The following CTNNA2 variants were observed in gnomAD, a reference collection of about 807,000 sequenced individuals.
The protein encoded by CTNNA2 is catenin alpha 2, also known as catenin alpha-2.
A neutral mutation model predicts 101.0 loss-of-function variants in CTNNA2; 42 were observed. That is an observed-to-expected ratio of 0.42 (90% CI 0.32 to 0.54). The LOEUF (loss-of-function observed/expected upper bound fraction) is 0.54. Among genes scored for constraint, CTNNA2 ranks in the 20% least tolerant of loss-of-function variants. The probability of loss-of-function intolerance (pLI) is 0.14; values close to 1 mark genes in which losing one functional copy is unlikely to be tolerated. For missense variants in CTNNA2, 871 were observed against 1,223.1 expected (o/e 0.71, Z 4.29); for synonymous variants, 450 against 456.4 (o/e 0.99, Z 0.18).
intron 18 of CTNNA2, among the ~76,000 whole-genome samples, chr2:80,627,226 T>A (rs1181580854): frequency 6.6e-6 from 1 of 152,118 alleles, no homozygotes; most frequent in Non-Finnish European, 1.5e-5. Flanking sequence ...CTTTGGGCAT[T>A]TACCCAGTAA....
intron 4 of CTNNA2, among the ~76,000 whole-genome samples, chr2:79,420,843 G>A (rs991140737): frequency 6.6e-6 from 1 of 152,054 alleles, no homozygotes; most frequent in Middle Eastern, 3.2e-3. Context: ...GGTCTTGACT[G>A]GAACCCAAGG....
chr2:79,659,429 T>G (rs1681856496), intron 2 of CTNNA2, among the ~76,000 whole-genome samples: 1 of 150,038 alleles, frequency 6.7e-6, no homozygotes, highest in South Asian at 2.1e-4. Flanking sequence ...GTGGTTTCTA[T>G]GGTGGCACTA....
rs75390572 is a variant in CTNNA2, at chr2:80,535,895, C to T, written c.1291-9087C>T. 5.2e-3 allele frequency among the ~76,000 whole-genome samples: 799 copies of T among 152,260 alleles called. 6 individuals carry two copies. The highest frequency in any genetic ancestry group is 0.018 in the African/African-American group (756 of 41,558). Reference sequence around the variant, plus strand: ...ACCTCAGCAGGAAAGCGAGACAACTCCTACAATATTCTTCTGGGCAGCCAG... The same window carrying T: ...ACCTCAGCAGGAAAGCGAGACAACTTCTACAATATTCTTCTGGGCAGCCAG... On this transcript the variant is annotated intron_variant, in intron 9 of 18. Transcript: ENST00000402739.
At chr2:79,730,340 G>T (rs931402117) in intron 2 of CTNNA2, among the ~76,000 whole-genome samples, 6 of 151,958 alleles carry the variant, frequency 3.9e-5, no homozygotes, top group African/African-American at 1.2e-4. Context: ...ATTAATCATG[G>T]TTTATTTTAA....
At chr2:79,501,959 ATTAGTCT>A (rs1475599535) in intron 4 of CTNNA2, among the ~76,000 whole-genome samples, 3 of 141,236 alleles carry the variant, frequency 2.1e-5, no homozygotes, top group Non-Finnish European at 4.5e-5. Context: ...ATTCAAGGAT[ATTAGTCT>A]TTTTTTTTTT....
intron 3 of CTNNA2, among the ~76,000 whole-genome samples, chr2:79,333,513 A>G (rs1347312): frequency 0.36 from 54,523 of 152,026 alleles, 10,202 homozygotes; most frequent in African/African-American, 0.46. Flanking sequence ...CACACAATGT[A>G]TATAAAGCTT....
intron 7 of CTNNA2, among the ~76,000 whole-genome samples, chr2:80,105,820 G>C (rs1161366305): frequency 6.6e-6 from 1 of 152,112 alleles, no homozygotes; most frequent in Non-Finnish European, 1.5e-5. Flanking sequence ...AGTTCTGTTT[G>C]TTTGTGCTAG....
chr2:79,405,411 C>T (rs1678330862), intron 4 of CTNNA2, among the ~76,000 whole-genome samples: 1 of 151,988 alleles, frequency 6.6e-6, no homozygotes, highest in African/African-American at 2.4e-5. Flanking sequence ...CTGCAATCTC[C>T]ACCTCCTGGG....
intron 7 of CTNNA2, among the ~76,000 whole-genome samples, chr2:79,969,202 A>G (rs1232547824): frequency 3.3e-5 from 5 of 152,198 alleles, no homozygotes; most frequent in Non-Finnish European, 4.4e-5. Context: ...GAACAACAAC[A>G]ACAAAAAAAT....
At chr2:79,749,977 C>T (rs1283035553) in intron 3 of CTNNA2, among the ~76,000 whole-genome samples, 1 of 152,198 alleles carries the variant, frequency 6.6e-6, no homozygotes, top group African/African-American at 2.4e-5. Flanking sequence ...GAATCAGCAT[C>T]TAATAGTCTT....
chr2:80,523,693 C>A (rs1019190751), intron 9 of CTNNA2, among the ~76,000 whole-genome samples: 1 of 152,096 alleles, frequency 6.6e-6, no homozygotes, highest in South Asian at 2.1e-4. Flanking sequence ...GAGGGGCTGG[C>A]GTCTGTTGTG....
At chr2:80,634,623 C>CTGATAAGATAAGTGATATTGAGT (rs1672671717) in intron 18 of CTNNA2, among the ~76,000 whole-genome samples, 2 of 152,014 alleles carry the variant, frequency 1.3e-5, no homozygotes, top group African/African-American at 4.8e-5. Context: ...CAGGATCGTT[C>CTGATAAGATAAGTGATATTGAGT]TCGCTTCCAT....
chr2:79,283,345 C>T (rs1675455442), intron 2 of CTNNA2, among the ~76,000 whole-genome samples: 1 of 102,370 alleles, frequency 9.8e-6, no homozygotes, highest in African/African-American at 3.0e-5. Flanking sequence ...TGCCTATGTC[C>T]TGAATGGTAA....
intron 2 of CTNNA2, among the ~76,000 whole-genome samples, chr2:79,250,422 G>A (rs1282219156): frequency 6.6e-6 from 1 of 152,058 alleles, no homozygotes; most frequent in Non-Finnish European, 1.5e-5. Context: ...TGTAATTACT[G>A]GGTTTACTTG....
intron 3 of CTNNA2, among the ~76,000 whole-genome samples, chr2:79,747,566 A>G (rs1455425363): frequency 6.6e-6 from 1 of 151,966 alleles, no homozygotes; most frequent in Non-Finnish European, 1.5e-5. Flanking sequence ...TTTCTCCAAA[A>G]CCTCTTAAGA....
At chr2:80,544,045 C>CT (rs1274946644) in intron 9 of CTNNA2, among the ~76,000 whole-genome samples, 2 of 152,102 alleles carry the variant, frequency 1.3e-5, no homozygotes, top group Admixed American at 1.3e-4. Flanking sequence ...TCAATCTCAC[C>CT]TTGAATTACC....
chr2:79,932,218 T>C (rs1185377951), intron 7 of CTNNA2, among the ~76,000 whole-genome samples: 1 of 151,996 alleles, frequency 6.6e-6, no homozygotes, highest in Non-Finnish European at 1.5e-5. Flanking sequence ...ACACTCTACC[T>C]CCAGAGCCCT....
At chr2:79,859,267 A>G (rs780632717) in intron 4 of CTNNA2, among the ~76,000 whole-genome samples, 37 of 152,230 alleles carry the variant, frequency 2.4e-4, no homozygotes, top group Middle Eastern at 3.4e-3. Context: ...CAGTGAAAGC[A>G]GGTTATGAGG....
intron 7 of CTNNA2, among the ~76,000 whole-genome samples, chr2:80,129,929 G>C (rs1447756553): frequency 6.6e-6 from 1 of 152,134 alleles, no homozygotes; most frequent in Admixed American, 6.6e-5. Flanking sequence ...TTGTGATTAT[G>C]ATGAGAGTCA....
Sources: gnomAD v4.1 joint callset for allele counts (sites outside exome capture counted in the v4.1 genomes callset) on GRCh38, gnomAD v4.1.1 for gene constraint, MANE v1.5 for transcripts, NCBI Gene and HGNC (gene_info 2026-07-23, HGNC 2026-07-21) for gene names.